PRELID3A: variants seen among roughly 807,000 people sequenced by gnomAD.
PRELID3A encodes the protein PRELI domain containing protein 3A.
PRELID3A carries 27 observed loss-of-function variants against 23.0 expected under a neutral mutation model. That is an observed-to-expected ratio of 1.17 (90% CI 0.87 to 1.62). PRELID3A has a LOEUF of 1.62. Among genes scored for constraint, PRELID3A ranks in the 40% most tolerant of loss-of-function variants. The pLI is 0.00. For missense variants in PRELID3A, 231 were observed against 231.4 expected (o/e 1.00, Z 0.01); for synonymous variants, 87 against 86.4 (o/e 1.01, Z -0.04).
intron 1 of PRELID3A, among the ~76,000 whole-genome samples, chr18:12,408,531 T>C (rs114796386): frequency 0.024 from 3,643 of 152,270 alleles, 72 homozygotes; most frequent in African/African-American, 0.049. Context: ...GGGCCCTGGC[T>C]CTGAACTCAC....
chr18:12,424,574 C>G (rs978785083), intron 3 of PRELID3A, among the ~76,000 whole-genome samples: 2 of 152,196 alleles, frequency 1.3e-5, no homozygotes, highest in African/African-American at 4.8e-5. Flanking sequence ...TAACCTGGCA[C>G]TCTGTAGGAG....
intron 5 of PRELID3A, among the ~76,000 whole-genome samples, chr18:12,428,153 G>GGAGGTGA (rs894478691): frequency 2.0e-5 from 3 of 152,302 alleles, no homozygotes; most frequent in Admixed American, 2.0e-4. Flanking sequence ...TAAGCTTTGT[G>GGAGGTGA]GAGGTGAGAG....
At position 12,427,021 on chromosome 18, in the gene PRELID3A, AC is replaced by A. The variant is rs779652210; in HGVS notation, c.292-18del. ...GAAATGCAAGAGAAATACAATCTAA[AC>A]CTTTTTTTTCTTTTTAAGATCACAC... On this transcript the variant is annotated intron_variant, in intron 3 of 6. Coordinates refer to ENST00000440960, the MANE Select transcript of PRELID3A (RefSeq NM_001142405.2). The A allele has an allele frequency of 9.0e-5, 143 of 1,584,896 alleles. No individual in the cohort carries two copies. Among genetic ancestry groups the A allele is most frequent in the Non-Finnish European group, 1.2e-4 (138 of 1,154,008 alleles).
At chr18:12,416,883 G>A (rs920973991) in intron 1 of PRELID3A, among the ~76,000 whole-genome samples, 3 of 151,930 alleles carry the variant, frequency 2.0e-5, no homozygotes, top group African/African-American at 4.8e-5. Flanking sequence ...CTGACCTCGC[G>A]ATCCACCAGC....
At chr18:12,413,930 A>G (rs1480615324) in intron 1 of PRELID3A, among the ~76,000 whole-genome samples, 2 of 152,340 alleles carry the variant, frequency 1.3e-5, no homozygotes, top group East Asian at 3.9e-4. Context: ...AGCAAATGCT[A>G]TCAGTTGTTT....
chr18:12,408,295 C>T (rs768151613), intron 1 of PRELID3A, among the ~76,000 whole-genome samples: 7 of 150,722 alleles, frequency 4.6e-5, no homozygotes, highest in Admixed American at 1.3e-4. Flanking sequence ...ACAGCCAGGG[C>T]GGGGGCAGCC....
At chr18:12,423,787 A>G (rs2030271076) in intron 3 of PRELID3A, among the ~76,000 whole-genome samples, 1 of 152,176 alleles carries the variant, frequency 6.6e-6, no homozygotes, top group African/African-American at 2.4e-5. Context: ...GCAGCTCCCC[A>G]TCTTCTCAGC....
intron 3 of PRELID3A, among the ~76,000 whole-genome samples, chr18:12,426,010 A>G (rs1230208718): frequency 2.2e-4 from 33 of 151,884 alleles, no homozygotes; most frequent in African/African-American, 7.7e-4. Context: ...GGTAAGGCAG[A>G]CAGATCACGA....
chr18:12,412,373 A>G (rs1909947815), intron 1 of PRELID3A, among the ~76,000 whole-genome samples: 1 of 149,996 alleles, frequency 6.7e-6, no homozygotes, highest in South Asian at 2.1e-4. Flanking sequence ...TTTTTAGTAG[A>G]GACGGGGTTT....
chr18:12,425,859 G>C (rs555981700), intron 3 of PRELID3A, among the ~76,000 whole-genome samples: 2 of 152,032 alleles, frequency 1.3e-5, no homozygotes, highest in East Asian at 1.9e-4. Flanking sequence ...AGGATCACTT[G>C]AGACCTGGAA....
At chr18:12,416,977 C>T (rs939141804) in intron 1 of PRELID3A, among the ~76,000 whole-genome samples, 8 of 152,008 alleles carry the variant, frequency 5.3e-5, no homozygotes, top group Non-Finnish European at 7.4e-5. Context: ...CAAGTGTGTG[C>T]TATTGACTTG....
rs2030182500 is a variant in PRELID3A, at chr18:12,421,558, A to G, written c.220A>G (p.Thr74Ala). The G allele has an allele frequency of 2.5e-6, 4 of 1,613,266 alleles. No individual in the cohort carries two copies. The highest frequency in any genetic ancestry group is 2.7e-5 in the African/African-American group (2 of 74,898). The change falls in exon 3 of 7, where the codon ACA (threonine) becomes GCA (alanine). Residue 74 changes from threonine to alanine, a missense_variant. Thr to Ala is a moderately conservative substitution (Grantham distance 58). Coordinates refer to ENST00000440960, the MANE Select transcript of PRELID3A (RefSeq NM_001142405.2). ...TTTCTAGATTTTGGGAACCAGTAGG[A>G]CATTGACATACATCCGAGAACATTC... is the stretch of plus-strand genomic sequence containing the variant. ...LVRAILGTSRTLTYIREHSVV... is the reference protein window; with the variant it reads ...LVRAILGTSRALTYIREHSVV...
chr18:12,424,786 C>T (rs1568164970), intron 3 of PRELID3A, among the ~76,000 whole-genome samples: 1 of 152,210 alleles, frequency 6.6e-6, no homozygotes, highest in Non-Finnish European at 1.5e-5. Flanking sequence ...TGAAGCAATT[C>T]TAGAGCTCTG....
chr18:12,428,506 G>A (rs1417592313), intron 5 of PRELID3A, among the ~76,000 whole-genome samples: 1 of 152,140 alleles, frequency 6.6e-6, no homozygotes, highest in Non-Finnish European at 1.5e-5. Flanking sequence ...TGATTCCTAA[G>A]GCTGTACTTC....
intron 1 of PRELID3A, chr18:12,419,847 G>T (rs1785327): frequency 0.031 from 4,191 of 137,372 alleles, 195 homozygotes; most frequent in African/African-American, 0.11. Context: ...GAGAATGGCG[G>T]GAACCCGGGA....
intron 1 of PRELID3A, among the ~76,000 whole-genome samples, chr18:12,414,708 GCAA>G (rs2029890982): frequency 6.6e-6 from 1 of 151,994 alleles, no homozygotes; most frequent in African/African-American, 2.4e-5. Flanking sequence ...GTCTCACTCT[GCAA>G]CAGAGTGAGA....
In PRELID3A at chr18:12,421,512, A is replaced by C. The variant is rs370464293; in HGVS notation, c.202-28A>C. The C allele has an allele frequency of 2.9e-6, 4 of 1,399,818 alleles. No individual in the cohort carries two copies. In the African/African-American group the frequency reaches 5.7e-5, roughly 20 times the overall value. The allele number at this position is 1,399,818 out of a possible 1,614,324, so 86.7% of individuals were successfully genotyped here. ...TATGAAGTAGAATTTTTAACGTTCC[A>C]CTATGCTAGTTTTGCTTTGTTTTCT... is the stretch of plus-strand genomic sequence containing the variant. On this transcript the variant is annotated intron_variant, in intron 2 of 6. Coordinates refer to ENST00000440960, the MANE Select transcript of PRELID3A (RefSeq NM_001142405.2).
intron 1 of PRELID3A, 128 bp downstream of exon 1, chr18:12,408,135 G>C (rs895484582): frequency 1.3e-5 from 11 of 878,286 alleles, no homozygotes; most frequent in Non-Finnish European, 1.6e-5. Context: ...CCCCGCGCCG[G>C]CCGTTCCCAG....
intron 1 of PRELID3A, among the ~76,000 whole-genome samples, chr18:12,411,233 C>T (rs767297466): frequency 2.0e-5 from 3 of 151,012 alleles, no homozygotes; most frequent in East Asian, 2.0e-4. Flanking sequence ...AAAATGCGGG[C>T]GTTTCACAAG....
Sources: gnomAD v4.1 joint callset for allele counts (sites outside exome capture counted in the v4.1 genomes callset) on GRCh38, gnomAD v4.1.1 for gene constraint, MANE v1.5 for transcripts, NCBI Gene and HGNC (gene_info 2026-07-23, HGNC 2026-07-21) for gene names.